The following MEDAG variants were observed in gnomAD, a reference collection of about 807,000 sequenced individuals.
The protein encoded by MEDAG is mesenteric estrogen-dependent adipogenesis protein.
Under a neutral mutation model 29.9 loss-of-function variants are expected in MEDAG, and 25 were observed. The observed-to-expected ratio is 0.84, with a 90% CI of 0.61 to 1.17. The LOEUF is 1.17. Ranked by LOEUF, MEDAG falls within the 50% of genes most tolerant of loss-of-function variation. The pLI, the probability that MEDAG is intolerant of heterozygous loss-of-function variation, is 0.00. For missense variants in MEDAG, 398 were observed against 372.9 expected, an observed-to-expected ratio of 1.07 and a Z score of -0.56; for synonymous variants, 158 against 148.2, an observed-to-expected ratio of 1.07 and a Z score of -0.48.
intron 2 of MEDAG, among the ~76,000 whole-genome samples, chr13:30,920,411 C>A (rs2138126547): frequency 6.6e-6 from 1 of 151,988 alleles, no homozygotes; most frequent in African/African-American, 2.4e-5. Context: ...CATAATGAAA[C>A]CCTGTCTCTG....
In MEDAG at chr13:30,924,320, A is replaced by T; in HGVS notation, c.797A>T (p.Asp266Val). 1 of 1,613,320 alleles carries T rather than the reference A, an allele frequency of 6.2e-7. No homozygotes were observed. Among genetic ancestry groups the T allele is most frequent in the Non-Finnish European group, 8.5e-7 (1 of 1,179,674 alleles). The change falls in exon 5 of 5, where the codon GAT becomes GTT. Residue 266 changes from aspartate (D) to valine (V), a missense_variant. Transcript: ENST00000380482. ...GTTTACTGTTTTTTAGGTTCAATAG[A>T]TGATGTTTTTAACTGCAATCTGTCA... ...KFSVTSRGSI[D>V]DVFNCNLSPR...
Position 30,921,833 on chromosome 13 carries a change from T to C in MEDAG, c.774T>C (p.Ser258=), listed in dbSNP as rs148392910. 1,381 of 1,606,340 alleles carry C rather than the reference T, an allele frequency of 8.6e-4. 11 individuals are homozygous for C. The East Asian group carries it at 0.02, about 23-fold the overall frequency. ...RRSSFSDRKF[S]VTSRGSIDDV... Reference sequence around the variant, plus strand: ...GCAGTTTCTCTGACCGAAAGTTCAGTGTAACTTCCAGAGGTATGTTAAAAA... The same window carrying C: ...GCAGTTTCTCTGACCGAAAGTTCAGCGTAACTTCCAGAGGTATGTTAAAAA... The change falls in exon 4 of 5, where the codon AGT becomes AGC. Residue 258 remains serine (S), a synonymous_variant. Coordinates refer to ENST00000380482, the MANE Select transcript of MEDAG (RefSeq NM_032849.4).
chr13:30,922,058 G>A (rs948272513), intron 4 of MEDAG: 1 of 498,712 alleles, frequency 2.0e-6, no homozygotes, highest in Non-Finnish European at 3.5e-6. Flanking sequence ...CTTCTGACAT[G>A]AGGATTACAT....
At chr13:30,910,840 T>C (rs1952875779) in intron 1 of MEDAG, among the ~76,000 whole-genome samples, 1 of 152,184 alleles carries the variant, frequency 6.6e-6, no homozygotes, top group Non-Finnish European at 1.5e-5. Flanking sequence ...AAGCCTCACC[T>C]CCATCCTGCA....
At chr13:30,924,143 A>C (rs1240219680) in intron 4 of MEDAG, among the ~76,000 whole-genome samples, 168 bp from the exon 5 acceptor site, 1 of 152,226 alleles carries the variant, frequency 6.6e-6, no homozygotes, top group African/African-American at 2.4e-5. Context: ...TGTCCCACTA[A>C]TAAAGAAAAA....
chr13:30,906,545 C>T lies in MEDAG; in HGVS notation c.30C>T (p.Ala10=), dbSNP rs754478440. 1.3e-6 allele frequency: 2 copies of T among 1,535,368 alleles called. No individual in the cohort carries two copies. Among genetic ancestry groups the T allele is most frequent in the Non-Finnish European group, 1.7e-6 (2 of 1,149,500 alleles). The change falls in exon 1 of 5, where the codon GCC becomes GCT. Residue 10 remains alanine (A), a synonymous_variant. Transcript: ENST00000380482. Reference sequence around the variant, plus strand: ...CGGGGGCGGCCTGCGAGCCGGTGGCCAGGCCGAGCCTGACCTCCATCTCGT... The same window carrying T: ...CGGGGGCGGCCTGCGAGCCGGTGGCTAGGCCGAGCCTGACCTCCATCTCGT... MAGAACEPV[A]RPSLTSISSG... is the part of the protein sequence containing the mutation.
intron 2 of MEDAG, among the ~76,000 whole-genome samples, 154 bp from the exon 3 acceptor site, chr13:30,920,860 G>A (rs1952976737): frequency 6.6e-6 from 1 of 152,174 alleles, no homozygotes; most frequent in African/African-American, 2.4e-5. Context: ...AATCTGGCGA[G>A]GCTTTGTAGT....
In MEDAG at chr13:30,906,330, C is replaced by A; in HGVS notation, c.-186C>A. ...GAGTGGCAGCTTGGGAGGGGCCGCC[C>A]GGGCGGTCAGACTGGCACCTGAGCG... On this transcript the variant is annotated 5_prime_UTR_variant, in exon 1 of 5. Coordinates refer to ENST00000380482, the MANE Select transcript of MEDAG (RefSeq NM_032849.4). 2.0e-6 allele frequency: 1 copy of A among 489,024 alleles called. No individual in the cohort carries two copies. 30.3% of individuals were successfully genotyped at this position (489,024 alleles called of 1,614,324 possible). A position where few individuals can be genotyped will look rare whatever the true frequency, so the allele number is the denominator to read the frequency against.
chr13:30,919,335 C>T (rs899146636), intron 2 of MEDAG, among the ~76,000 whole-genome samples: 77 of 152,316 alleles, frequency 5.1e-4, no homozygotes, highest in South Asian at 2.1e-4. Flanking sequence ...TTCCTCAAGA[C>T]GATTACTAAT....
chr13:30,910,181 G>C (rs1041943113), intron 1 of MEDAG, among the ~76,000 whole-genome samples: 4 of 74,288 alleles, frequency 5.4e-5, no homozygotes, highest in Non-Finnish European at 1.2e-4. Flanking sequence ...CATTAACTAC[G>C]ACACACACAC....
chr13:30,906,687 G>T lies in MEDAG; in HGVS notation c.172G>T (p.Ala58Ser), dbSNP rs1206087428. 3 of 1,542,670 alleles carry T rather than the reference G, an allele frequency of 1.9e-6. No homozygotes were observed. Among genetic ancestry groups the T allele is most frequent in the Non-Finnish European group, 2.6e-6 (3 of 1,152,328 alleles). ...FQLSGDQLVV[A>S]RPGEPAAARG... ...GCTGAGCGGCGACCAGCTCGTGGTG[G>T]CCAGGCCCGGGGAGCCGGCGGCGGC... is the stretch of plus-strand genomic sequence containing the variant. Residue 58 changes from alanine (A) to serine (S), a missense_variant, in exon 1 of 5, where the codon GCC becomes TCC. Ala to Ser is a moderately conservative substitution (Grantham distance 99). Transcript: ENST00000380482.
Position 30,917,500 on chromosome 13 carries a change from G to T in MEDAG, c.376G>T (p.Asp126Tyr), listed in dbSNP as rs1186854344. 5 of 1,580,328 alleles carry T rather than the reference G, an allele frequency of 3.2e-6. No homozygotes were observed. The highest frequency in any genetic ancestry group is 1.3e-5 in the African/African-American group (1 of 74,134). The stretch of plus-strand genomic sequence containing the variant: ...CTTTATTAATGTACAGACCAAAAAA[G>T]ACACCTCAAAAGGTAAGTATCTATA... ...LFFINVQTKK[D>Y]TSKERTYAFL... Residue 126 changes from aspartate (D) to tyrosine (Y), a missense_variant, in exon 2 of 5, where the codon GAC (aspartate) becomes TAC (tyrosine). Asp to Tyr is a radical substitution (Grantham distance 160). Transcript: ENST00000380482.
intron 1 of MEDAG, among the ~76,000 whole-genome samples, chr13:30,908,453 C>T (rs1050103756): frequency 9.9e-5 from 15 of 152,160 alleles, no homozygotes; most frequent in Non-Finnish European, 2.1e-4. Flanking sequence ...GCTTTTATAA[C>T]TGAGTGTGCA....
chr13:30,918,149 T>C (rs938728618), intron 2 of MEDAG, among the ~76,000 whole-genome samples: 1 of 152,184 alleles, frequency 6.6e-6, no homozygotes, highest in Non-Finnish European at 1.5e-5. Flanking sequence ...ATTCTGAGCC[T>C]TTGGAGGTTG....
At chr13:30,915,005 T>C (rs1160537249) in intron 1 of MEDAG, among the ~76,000 whole-genome samples, 1 of 152,208 alleles carries the variant, frequency 6.6e-6, no homozygotes, top group Non-Finnish European at 1.5e-5. Flanking sequence ...GATGGTAGGA[T>C]AATGGGAAAC....
chr13:30,923,800 C>T (rs563101935), intron 4 of MEDAG, among the ~76,000 whole-genome samples: 1 of 152,308 alleles, frequency 6.6e-6, no homozygotes, highest in African/African-American at 2.4e-5. Context: ...TGAAGTTAAG[C>T]AGTGCTTCCT....
intron 2 of MEDAG, 124 bp downstream of exon 2, chr13:30,917,636 G>T: frequency 1.6e-6 from 1 of 618,390 alleles, no homozygotes; most frequent in South Asian, 2.0e-5. Flanking sequence ...TCTGCTTCTG[G>T]GGAGGCCTCA....
intron 1 of MEDAG, 94 bp downstream of exon 1, chr13:30,906,887 T>C (rs938461956): frequency 1.5e-4 from 188 of 1,267,640 alleles, no homozygotes; most frequent in Admixed American, 5.7e-4. Context: ...CTGTCCTCGC[T>C]GCCTGCGACA....
chr13:30,912,497 T>C (rs1952890893), intron 1 of MEDAG, among the ~76,000 whole-genome samples: 1 of 151,868 alleles, frequency 6.6e-6, no homozygotes, highest in Non-Finnish European at 1.5e-5. Context: ...GTCCATATTT[T>C]TTTTAATGAA....
Sources: gnomAD v4.1 joint callset for allele counts (sites outside exome capture counted in the v4.1 genomes callset) on GRCh38, gnomAD v4.1.1 for gene constraint, MANE v1.5 for transcripts, NCBI Gene and HGNC (gene_info 2026-07-23, HGNC 2026-07-21) for gene names.